Variants in EDDM3A observed in about 807,000 individuals in gnomAD.
EDDM3A encodes the protein epididymal secretory protein E3-alpha.
For synonymous variants in EDDM3A, 75 were observed against 60.4 expected, an observed-to-expected ratio of 1.24 and a Z score of -1.12; for missense variants, 199 against 177.4, an observed-to-expected ratio of 1.12 and a Z score of -0.69.
chr14:20,742,648 G>A (rs1004719832), upstream of EDDM3A, among the ~76,000 whole-genome samples: 1 of 152,034 alleles, frequency 6.6e-6, no homozygotes, highest in African/African-American at 2.4e-5. Flanking sequence ...CCAGGCTGGT[G>A]CTATCATAGC....
chr14:20,741,256 C>T (rs960718327), upstream of EDDM3A, among the ~76,000 whole-genome samples: 1 of 152,178 alleles, frequency 6.6e-6, no homozygotes, highest in African/African-American at 2.4e-5. Context: ...AAGGAATACA[C>T]TGATATTGGT....
At chr14:20,741,753 G>T (rs1877440322), upstream of EDDM3A, among the ~76,000 whole-genome samples, 2 of 152,168 alleles carry the variant, frequency 1.3e-5, no homozygotes, top group South Asian at 2.1e-4. Flanking sequence ...GGGGCCCGAG[G>T]GCAGCCTCTG....
At chr14:20,736,544 C>T in the EDDM3A span, among the ~76,000 whole-genome samples, 30,938 of 152,102 alleles carry the variant, frequency 0.2, 3,392 homozygotes, top group South Asian at 0.28. Flanking sequence ...GGGTATAAAA[C>T]ATGTGGCATG....
chr14:20,744,816 A>G (rs1877534656), upstream of EDDM3A, among the ~76,000 whole-genome samples: 1 of 152,208 alleles, frequency 6.6e-6, no homozygotes, highest in Non-Finnish European at 1.5e-5. Flanking sequence ...TAAAAAACTG[A>G]GTAGAGAAAT....
chr14:20,742,125 C>T (rs1877452718), upstream of EDDM3A, among the ~76,000 whole-genome samples: 2 of 152,172 alleles, frequency 1.3e-5, no homozygotes, highest in South Asian at 2.1e-4. Flanking sequence ...AAGCCCGTAC[C>T]TTGCAAGCTG....
Position 20,748,144 on chromosome 14 carries a change from A to T in EDDM3A, c.*120A>T. 1 of 702,366 alleles carries T rather than the reference A, an allele frequency of 1.4e-6. No individual in the cohort carries two copies. The highest frequency in any genetic ancestry group is 2.4e-6 in the Non-Finnish European group (1 of 423,218). The allele number at this position is 702,366 out of a possible 1,614,324, so 43.5% of individuals were successfully genotyped here. A position where few individuals can be genotyped will look rare whatever the true frequency, so the allele number is the denominator to read the frequency against. The stretch of plus-strand genomic sequence containing the variant: ...TACATTTATGTGTCAGTGTTTTCCA[A>T]CTACTTAGAGTTTATGTACCTCGTG... On this transcript the variant is annotated 3_prime_UTR_variant, in exon 2 of 2. Transcript: ENST00000326842.
chr14:20,737,054 C>CTTTTTTCT, the EDDM3A span, among the ~76,000 whole-genome samples: 645 of 109,954 alleles, frequency 5.9e-3, 8 homozygotes, highest in Middle Eastern at 0.01. Flanking sequence ...TTTCTTTTTC[C>CTTTTTTCT]TTTTTTTTTT....
the EDDM3A span, among the ~76,000 whole-genome samples, chr14:20,737,706 G>A: frequency 6.6e-6 from 1 of 152,264 alleles, no homozygotes; most frequent in African/African-American, 2.4e-5. Flanking sequence ...AAATACAATG[G>A]TCCTCAACAA....
upstream of EDDM3A, among the ~76,000 whole-genome samples, chr14:20,741,921 A>G (rs1312289095): frequency 6.6e-6 from 1 of 152,206 alleles, no homozygotes; most frequent in Non-Finnish European, 1.5e-5. Flanking sequence ...AAGTGAAGGC[A>G]GTTTTAGAGG....
chr14:20,741,554 C>G (rs1877434437), upstream of EDDM3A, among the ~76,000 whole-genome samples: 1 of 152,126 alleles, frequency 6.6e-6, no homozygotes, highest in African/African-American at 2.4e-5. Context: ...GACCCAGGCT[C>G]CCTATAAGTA....
At chr14:20,738,621 C>CTACCCT in the EDDM3A span, among the ~76,000 whole-genome samples, 1 of 152,096 alleles carries the variant, frequency 6.6e-6, no homozygotes, top group Non-Finnish European at 1.5e-5. Context: ...AATTTTCCTT[C>CTACCCT]TACCCTTTTA....
At chr14:20,745,709 G>A (rs1169312583), upstream of EDDM3A, among the ~76,000 whole-genome samples, 5 of 152,082 alleles carry the variant, frequency 3.3e-5, no homozygotes, top group African/African-American at 1.2e-4. Flanking sequence ...TGTACCCAGG[G>A]CTCAGCCTTT....
At chr14:20,743,173 C>T (rs542788500), upstream of EDDM3A, among the ~76,000 whole-genome samples, 1 of 152,346 alleles carries the variant, frequency 6.6e-6, no homozygotes, top group African/African-American at 2.4e-5. Flanking sequence ...ACGTTGTCAT[C>T]CCCTGAATGA....
At chr14:20,736,792 TCTC>T in the EDDM3A span, among the ~76,000 whole-genome samples, 3 of 151,764 alleles carry the variant, frequency 2.0e-5, no homozygotes, top group African/African-American at 2.4e-5. Context: ...CTCACTGTAA[TCTC>T]CTCCTGCTGG....
chr14:20,745,498 C>T (rs1877556140), upstream of EDDM3A, among the ~76,000 whole-genome samples: 1 of 150,934 alleles, frequency 6.6e-6, no homozygotes, highest in African/African-American at 2.4e-5. Context: ...TGCACTCCAG[C>T]CTGGGCAACA....
upstream of EDDM3A, among the ~76,000 whole-genome samples, chr14:20,743,545 T>C (rs79459810): frequency 1.2e-3 from 177 of 151,928 alleles, 1 homozygote; most frequent in African/African-American, 4.0e-3. Flanking sequence ...CCAAAAATAA[T>C]AATAATAATA....
At position 20,747,813 on chromosome 14, in the gene EDDM3A, G is replaced by A. The variant is rs149270684; in HGVS notation, c.233G>A (p.Arg78His). 417 of 1,614,126 alleles carry A rather than the reference G, an allele frequency of 2.6e-4. No individual in the cohort carries two copies. Among genetic ancestry groups the A allele is most frequent in the African/African-American group, 2.0e-3 (153 of 75,024 alleles). ...TATAGCTTATGGTTCAAAATTCAGC[G>A]TGCATGCATCAATGAGAAGGGGAGC... ...FIYSLWFKIQRACINEKGSDR... is the reference protein window; with the variant it reads ...FIYSLWFKIQHACINEKGSDR... Residue 78 changes from arginine to histidine, a missense_variant, in exon 2 of 2, where the codon CGT becomes CAT. Arg to His is a conservative substitution (Grantham distance 29). Transcript: ENST00000326842.
the EDDM3A span, among the ~76,000 whole-genome samples, chr14:20,740,773 G>A: frequency 0.025 from 3,746 of 147,934 alleles, no homozygotes; most frequent in African/African-American, 0.095. Flanking sequence ...CCTTCACCTG[G>A]TGAAGGAGCT....
chr14:20,747,679 C>T lies in EDDM3A; in HGVS notation c.99C>T (p.Phe33=). ...VYSNNIYWRE[F]IKLHYLSPSR... ...GTAACAACATTTACTGGAGAGAATT[C>T]ATAAAACTTCATTACTTAAGTCCAA... is the stretch of plus-strand genomic sequence containing the variant. The change falls in exon 2 of 2, where the codon TTC becomes TTT. Residue 33 remains phenylalanine, a synonymous_variant. Transcript: ENST00000326842. 6.2e-7 allele frequency: 1 copy of T among 1,614,076 alleles called. No individual in the cohort carries two copies. The highest frequency in any genetic ancestry group is 8.5e-7 in the Non-Finnish European group (1 of 1,179,984).
Sources: allele counts gnomAD v4.1 joint callset (sites outside exome capture counted in the v4.1 genomes callset), GRCh38; gene constraint gnomAD v4.1.1; transcripts MANE v1.5; gene names NCBI Gene and HGNC (gene_info 2026-07-23, HGNC 2026-07-21).